Variants in ZFP14 observed in about 807,000 individuals in gnomAD.
The protein encoded by ZFP14 is ZFP14 zinc finger protein.
Under a neutral mutation model 54.5 loss-of-function variants are expected in ZFP14, and 22 were observed. The ratio of observed to expected loss-of-function variants is 0.40; its 90% CI spans 0.29 to 0.58. The LOEUF is 0.58. Among genes scored for constraint, ZFP14 ranks in the 20% least tolerant of loss-of-function variants. ZFP14 has a pLI of 0.39. For synonymous variants in ZFP14, 159 were observed against 204.0 expected, an observed-to-expected ratio of 0.78 and a Z score of 1.88; for missense variants, 470 against 637.8, an observed-to-expected ratio of 0.74 and a Z score of 2.83.
intron 4 of ZFP14, among the ~76,000 whole-genome samples, chr19:36,343,758 T>C (rs1008266395): frequency 4.6e-5 from 7 of 152,172 alleles, no homozygotes; most frequent in African/African-American, 1.7e-4. Flanking sequence ...GTGACAACCC[T>C]GCAGAGTCCC....
intron 4 of ZFP14, among the ~76,000 whole-genome samples, chr19:36,349,163 G>A (rs1384203667): frequency 1.4e-5 from 2 of 143,638 alleles, no homozygotes; most frequent in Admixed American, 1.5e-4. Context: ...CAGGAGAGGC[G>A]GAGGTTTCAG....
intron 4 of ZFP14, among the ~76,000 whole-genome samples, chr19:36,342,980 ACT>A (rs2031350119): frequency 6.6e-6 from 1 of 152,188 alleles, no homozygotes; most frequent in African/African-American, 2.4e-5. Flanking sequence ...GACAGATTGC[ACT>A]CTCATCATTT....
At position 36,340,259 on chromosome 19, in the gene ZFP14, GGT is replaced by G; in HGVS notation, c.1565_1566del (p.His522ProfsTer9). The G allele has an allele frequency of 5.0e-6, 8 of 1,601,140 alleles. No individual in the cohort carries two copies. The highest frequency in any genetic ancestry group is 6.8e-6 in the Non-Finnish European group (8 of 1,172,914). ...ECKKAFRQHS[H>X]LTQHQKIHNG... ...TTATGAATCTTCTGATGCTGAGTAA[GGT>G]GTGAATGCTGTCTAAAGGCCTTCTT... On this transcript the variant is annotated frameshift_variant, in exon 5 of 5. Transcript: ENST00000270001. LOFTEE classifies it high-confidence loss of function. This position sits in a 1 kb window ranked among gnomAD's most constrained non-coding sequence, Gnocchi z 5.4.
At position 36,352,128 on chromosome 19, in the gene ZFP14, G is replaced by A. The variant is rs552159469; in HGVS notation, c.235+8307C>T. On this transcript the variant is annotated intron_variant, in intron 4 of 4. Transcript: ENST00000270001. ...GAACTCGGGAGGCAGAGCTTGCAGC[G>A]AGCCGAGATCGTGCCACTGCACTCC... Among the ~76,000 whole-genome samples, 8 of 141,138 alleles carry A rather than the reference G, an allele frequency of 5.7e-5. 2 individuals are homozygous for A. Among genetic ancestry groups the A allele is most frequent in the East Asian group, 2.1e-4 (1 of 4,750 alleles). The allele number at this position is 141,138 out of a possible 152,430, so 92.6% of individuals were successfully genotyped here. A position where few individuals can be genotyped will look rare whatever the true frequency, so the allele number is the denominator to read the frequency against.
intron 1 of ZFP14, among the ~76,000 whole-genome samples, chr19:36,373,660 T>C (rs2031913808): frequency 6.6e-6 from 1 of 152,106 alleles, no homozygotes; most frequent in East Asian, 1.9e-4. Flanking sequence ...ATACATGTAA[T>C]TTTATCTGTC....
At chr19:36,348,508 T>C (rs2031458207) in intron 4 of ZFP14, among the ~76,000 whole-genome samples, 1 of 152,048 alleles carries the variant, frequency 6.6e-6, no homozygotes, top group South Asian at 2.1e-4. Context: ...TTTTGTTTGT[T>C]TGTTTGGAGA....
At chr19:36,363,349 A>C (rs1464612521) in intron 2 of ZFP14, among the ~76,000 whole-genome samples, 1 of 150,598 alleles carries the variant, frequency 6.6e-6, no homozygotes, top group East Asian at 2.0e-4. Context: ...ATCCGCCACC[A>C]CGCCCGGCTA....
chr19:36,358,149 C>T (rs1297489378), intron 4 of ZFP14, among the ~76,000 whole-genome samples: 4 of 151,760 alleles, frequency 2.6e-5, no homozygotes, highest in Non-Finnish European at 5.9e-5. Flanking sequence ...CTTGCTCTAT[C>T]GTCTGAGCTG....
In ZFP14 at chr19:36,341,663, C is replaced by A. The variant is rs1463979234; in HGVS notation, c.236-73G>T. ...AAGAAAAAACAAACAAACAAAAAAA[C>A]CACTTCTATAGAGAAAAGGCACCTA... is the stretch of plus-strand genomic sequence containing the variant. On this transcript the variant is annotated intron_variant, in intron 4 of 4. Coordinates refer to ENST00000270001, the MANE Select transcript of ZFP14 (RefSeq NM_020917.3). This position sits in a 1 kb window ranked among gnomAD's most constrained non-coding sequence, Gnocchi z 4.2. 4.2e-6 allele frequency: 6 copies of A among 1,418,732 alleles called. No individual in the cohort carries two copies. The highest frequency in any genetic ancestry group is 2.4e-5 in the East Asian group (1 of 42,152). The allele number at this position is 1,418,732 out of a possible 1,614,324, so 87.9% of individuals were successfully genotyped here.
intron 2 of ZFP14, among the ~76,000 whole-genome samples, chr19:36,365,816 C>A (rs1210729484): frequency 6.6e-6 from 1 of 151,878 alleles, no homozygotes; most frequent in Admixed American, 6.6e-5. Flanking sequence ...AAAAATTAGC[C>A]AAGAGTGGTG....
chr19:36,344,733 G>C (rs1027441946), intron 4 of ZFP14, among the ~76,000 whole-genome samples: 4 of 152,082 alleles, frequency 2.6e-5, no homozygotes, highest in African/African-American at 9.7e-5. Flanking sequence ...CTGTGTATGC[G>C]AGGGATCTAG....
In ZFP14 at chr19:36,373,911, C is replaced by CAA. The variant is rs74174406; in HGVS notation, c.-80+5250_-80+5251dup. Among the ~76,000 whole-genome samples, 376 of 92,956 alleles carry CAA rather than the reference C, an allele frequency of 4.0e-3. 6 individuals are homozygous for CAA. The highest frequency in any genetic ancestry group is 0.019 in the South Asian group (47 of 2,418). 61.0% of individuals were successfully genotyped at this position (92,956 alleles called of 152,430 possible). ...TGGGCAACAGAGTAAGACCCCATCT[C>CAA]AAAAAAAAAAAAAAAGAAAAAAATG... On this transcript the variant is annotated intron_variant, in intron 1 of 4. Transcript: ENST00000270001.
intron 4 of ZFP14, among the ~76,000 whole-genome samples, chr19:36,355,121 A>G (rs2031592491): frequency 6.9e-6 from 1 of 143,982 alleles, no homozygotes. Context: ...TGTCCAGCAC[A>G]ACACCTAGTT....
chr19:36,370,344 C>T (rs1200807991), intron 1 of ZFP14, among the ~76,000 whole-genome samples: 1 of 152,194 alleles, frequency 6.6e-6, no homozygotes, highest in Non-Finnish European at 1.5e-5. Flanking sequence ...TAGTAAAACC[C>T]AGCAACAGGG....
rs763009241 is a variant in ZFP14, at chr19:36,341,171, G to T, written c.655C>A (p.His219Asn). The T allele has an allele frequency of 1.1e-5, 17 of 1,614,040 alleles. No homozygotes were observed. In the East Asian group the frequency reaches 3.3e-4, roughly 32 times the overall value. The stretch of plus-strand genomic sequence containing the variant: ...GGTTTCTCACCGGTGTGAAGTTTGT[G>T]ATGTCGAATAAGATGTGCACGCTGT... The part of the protein sequence containing the change: ...FRQRAHLIRH[H>N]KLHTGEKPYE... The change falls in exon 5 of 5, where the codon CAC becomes AAC. Residue 219 changes from histidine (H) to asparagine (N), a missense_variant. By Grantham distance (68) the His-to-Asn change is moderately conservative. Transcript: ENST00000270001. The surrounding 1 kb of genome is among the most constrained non-coding windows in gnomAD (Gnocchi z 4.2).
chr19:36,362,442 G>C (rs1310328336), intron 2 of ZFP14, among the ~76,000 whole-genome samples: 2 of 152,164 alleles, frequency 1.3e-5, no homozygotes, highest in African/African-American at 4.8e-5. Context: ...GAATAGTCCT[G>C]TGGCTATAGA....
intron 1 of ZFP14, among the ~76,000 whole-genome samples, chr19:36,377,705 G>A (rs2094254418): frequency 6.6e-6 from 1 of 152,144 alleles, no homozygotes; most frequent in African/African-American, 2.4e-5. Flanking sequence ...TGGAGGCCGG[G>A]TGCGGTGGCT....
chr19:36,351,938 CT>C lies in ZFP14; in HGVS notation c.235+8496del, dbSNP rs2031532531. Among the ~76,000 whole-genome samples, 3 of 143,518 alleles carry C rather than the reference CT, an allele frequency of 2.1e-5. 1 individual carries two copies. The highest frequency in any genetic ancestry group is 4.6e-5 in the Non-Finnish European group (3 of 64,566). 94.2% of individuals were successfully genotyped at this position (143,518 alleles called of 152,430 possible). ...GTGGCTCACGCCTGTAATCCCAGCA[CT>C]TTGGGAGGCCGAGGCGGGTGGATCA... On this transcript the variant is annotated intron_variant, in intron 4 of 4. Coordinates refer to ENST00000270001, the MANE Select transcript of ZFP14 (RefSeq NM_020917.3).
At chr19:36,368,853 A>T (rs2031836160) in intron 1 of ZFP14, among the ~76,000 whole-genome samples, 1 of 151,250 alleles carries the variant, frequency 6.6e-6, no homozygotes, top group Non-Finnish European at 1.5e-5. Flanking sequence ...TTATTGATTA[A>T]TTTTTTTTTA....
Sources: gnomAD v4.1 joint callset for allele counts (sites outside exome capture counted in the v4.1 genomes callset) on GRCh38, gnomAD v4.1.1 for gene constraint, Gnocchi (gnomAD v3.1) non-coding constraint, MANE v1.5 for transcripts, NCBI Gene and HGNC (gene_info 2026-07-23, HGNC 2026-07-21) for gene names.